INTS7: variants seen among roughly 807,000 people sequenced by gnomAD.
INTS7 encodes the protein chromosome 1 open reading frame 73.
A neutral mutation model predicts 109.2 loss-of-function variants in INTS7; 46 were observed. The ratio of observed to expected loss-of-function variants is 0.42; its 90% CI spans 0.33 to 0.54. The LOEUF (loss-of-function observed/expected upper bound fraction) is 0.54. Ranked by LOEUF, INTS7 falls within the 20% of genes least tolerant of loss-of-function variation. The pLI is 0.07. For synonymous variants in INTS7, 412 were observed against 402.9 expected (o/e 1.02, Z -0.27); for missense variants, 929 against 1,132.4 (o/e 0.82, Z 2.58).
chr1:212,018,335 G>T (rs1055536359), intron 3 of INTS7, among the ~76,000 whole-genome samples: 3 of 151,720 alleles, frequency 2.0e-5, no homozygotes, highest in African/African-American at 7.3e-5. Context: ...CTTAAAAAAA[G>T]AATTGAGGCA....
At chr1:212,012,265 TG>T (rs948280520) in intron 4 of INTS7, among the ~76,000 whole-genome samples, 7 of 149,486 alleles carry the variant, frequency 4.7e-5, no homozygotes, top group African/African-American at 7.4e-5. Context: ...GGTAGGAGAT[TG>T]GGGGGGGAGG....
At position 211,941,627 on chromosome 1, in the gene INTS7, T is replaced by C; in HGVS notation, c.*197A>G. On this transcript the variant is annotated 3_prime_UTR_variant, in exon 20 of 20. Coordinates refer to ENST00000366994, the MANE Select transcript of INTS7 (RefSeq NM_015434.4). ...CCTCAGCCTCCCAAAGTGCTGGGAT[T>C]ACAGGCGTGAGCAACCACGCCCAGC... The C allele has an allele frequency of 1.5e-6, 1 of 683,964 alleles. No homozygotes were observed. Among genetic ancestry groups the C allele is most frequent in the Non-Finnish European group, 2.4e-6 (1 of 420,080 alleles). 42.4% of individuals were successfully genotyped at this position (683,964 alleles called of 1,614,324 possible).
At chr1:212,030,064 ATTTG>A in intron 1 of INTS7, among the ~76,000 whole-genome samples, 1 of 152,316 alleles carries the variant, frequency 6.6e-6, no homozygotes, top group African/African-American at 2.4e-5. Context: ...TTCTAAACAA[ATTTG>A]AGTTTATGGA....
At position 212,035,329 on chromosome 1, in the gene INTS7, C is replaced by G; in HGVS notation, c.94+15G>C. On this transcript the variant is annotated intron_variant, in intron 1 of 19. Transcript: ENST00000366994. ...CCACGCCTGTTTCACCCATTCAGCC[C>G]TCTCTTTCGAATACCTTTGTCCAAT... is the stretch of plus-strand genomic sequence containing the variant. 2 of 1,573,676 alleles carry G rather than the reference C, an allele frequency of 1.3e-6. No individual in the cohort carries two copies. Among genetic ancestry groups the G allele is most frequent in the Non-Finnish European group, 1.7e-6 (2 of 1,143,160 alleles).
At chr1:211,983,415 A>C (rs1664746593) in intron 8 of INTS7, among the ~76,000 whole-genome samples, 1 of 152,198 alleles carries the variant, frequency 6.6e-6, no homozygotes, top group East Asian at 1.9e-4. Flanking sequence ...CTGTTATTAT[A>C]CTCTTCTGCT....
intron 13 of INTS7, among the ~76,000 whole-genome samples, chr1:211,969,134 A>C (rs1161104437): frequency 6.6e-6 from 1 of 151,934 alleles, no homozygotes; most frequent in Admixed American, 6.5e-5. Context: ...AATACAAAAA[A>C]ATTAGCTGGG....
chr1:211,974,272 A>ATATATATATATAT (rs1553249472), intron 13 of INTS7, among the ~76,000 whole-genome samples: 643 of 61,668 alleles, frequency 0.01, 7 homozygotes, highest in South Asian at 0.016. Context: ...TCCCAGAAAA[A>ATATATATATATAT]AAAAATATAT....
At chr1:211,994,763 T>TA (rs927510763) in intron 7 of INTS7, among the ~76,000 whole-genome samples, 8 of 140,884 alleles carry the variant, frequency 5.7e-5, no homozygotes, top group East Asian at 4.1e-4. Flanking sequence ...AAACAAACAT[T>TA]AAAAAAAAAG....
intron 7 of INTS7, among the ~76,000 whole-genome samples, chr1:212,006,104 A>G (rs1665899343): frequency 1.3e-5 from 2 of 152,194 alleles, no homozygotes; most frequent in African/African-American, 4.8e-5. Flanking sequence ...AGAAAAAAAT[A>G]AACATAAAAT....
intron 1 of INTS7, among the ~76,000 whole-genome samples, chr1:212,035,139 G>A (rs1366598856): frequency 6.6e-6 from 1 of 152,170 alleles, no homozygotes; most frequent in African/African-American, 2.4e-5. Context: ...TTGTTTAGCC[G>A]GTATAAGGCC....
chr1:211,986,241 G>A (rs1462269355), intron 8 of INTS7, among the ~76,000 whole-genome samples: 3 of 152,136 alleles, frequency 2.0e-5, no homozygotes, highest in South Asian at 2.1e-4. Context: ...GAATGAGGCC[G>A]TCTTAGACCA....
intron 10 of INTS7, among the ~76,000 whole-genome samples, chr1:211,980,444 TA>T (rs1327850510): frequency 1.3e-5 from 2 of 152,202 alleles, no homozygotes; most frequent in East Asian, 3.8e-4. Flanking sequence ...TTTATTTATT[TA>T]TTTTTTTTGA....
At chr1:212,012,834 A>T (rs1012918575) in intron 4 of INTS7, among the ~76,000 whole-genome samples, 3 of 152,202 alleles carry the variant, frequency 2.0e-5, no homozygotes, top group Non-Finnish European at 4.4e-5. Context: ...ACTGAACTAA[A>T]AGTGATTCTC....
chr1:212,010,642 T>C lies in INTS7; in HGVS notation c.556+733A>G, dbSNP rs80298226. ...AGCTGAAAAATTCCTAGTAACTTCA[T>C]AGACCCTGTAGTCATTGTAACACCA... On this transcript the variant is annotated intron_variant, in intron 5 of 19. Transcript: ENST00000366994. 5.7e-3 allele frequency among the ~76,000 whole-genome samples: 867 copies of C among 152,306 alleles called. 7 individuals are homozygous for C. Among genetic ancestry groups the C allele is most frequent in the African/African-American group, 0.02 (831 of 41,550 alleles).
intron 4 of INTS7, 35 bp from the exon 5 acceptor site, chr1:212,011,456 T>C: frequency 7.6e-7 from 1 of 1,320,812 alleles, no homozygotes; most frequent in South Asian, 1.3e-5. Context: ...AGAAAAAACT[T>C]ACATTTGCTT....
intron 8 of INTS7, among the ~76,000 whole-genome samples, chr1:211,984,354 GA>G (rs749070635): frequency 6.7e-6 from 1 of 150,180 alleles, no homozygotes; most frequent in Non-Finnish European, 1.5e-5. Context: ...AGAAAACTCA[GA>G]AAAAAAACCC....
Position 211,975,378 on chromosome 1 carries a change from A to G in INTS7, c.1609-6T>C. The G allele has an allele frequency of 6.2e-7, 1 of 1,609,808 alleles. No individual in the cohort carries two copies. Among genetic ancestry groups the G allele is most frequent in the East Asian group, 2.2e-5 (1 of 44,844 alleles). On this transcript the variant is annotated splice_region_variant and splice_polypyrimidine_tract_variant and intron_variant, in intron 12 of 19. Transcript: ENST00000366994. ...TTGGCCATGTCATGATTACCCTAAA[A>G]ACAAAAAAAGAAAAGAAAAAAGAAT...
chr1:212,035,499 C>T lies in INTS7; in HGVS notation c.-62G>A, dbSNP rs1301061737. On this transcript the variant is annotated 5_prime_UTR_variant, in exon 1 of 20. It removes an upstream start codon present in the reference 5' UTR. Transcript: ENST00000366994. ...CTTGCAAACTCTACCCCAGGACCGC[C>T]ATCTTCCCCCGCCGCCTTCTTGCTG... 3.7e-5 allele frequency: 45 copies of T among 1,211,144 alleles called. No homozygotes were observed. The highest frequency in any genetic ancestry group is 5.2e-5 in the Non-Finnish European group (42 of 814,144). 75.0% of individuals were successfully genotyped at this position (1,211,144 alleles called of 1,614,324 possible).
At chr1:211,989,016 G>A (rs2102439901) in intron 7 of INTS7, among the ~76,000 whole-genome samples, 1 of 152,162 alleles carries the variant, frequency 6.6e-6, no homozygotes, top group African/African-American at 2.4e-5. Flanking sequence ...AATATAACAA[G>A]TCAAATAACT....
Sources: gnomAD v4.1 joint callset for allele counts (sites outside exome capture counted in the v4.1 genomes callset) on GRCh38, gnomAD v4.1.1 for gene constraint, MANE v1.5 for transcripts, NCBI Gene and HGNC (gene_info 2026-07-23, HGNC 2026-07-21) for gene names.